SCN11A: variants seen among roughly 807,000 people sequenced by gnomAD.
SCN11A encodes sodium voltage-gated channel alpha subunit 11, also known as sodium channel protein type 11 subunit alpha.
In SCN11A, 122 loss-of-function variants were observed where a neutral mutation model predicts 162.2. The ratio of observed to expected loss-of-function variants is 0.75; its 90% CI spans 0.65 to 0.87. The LOEUF (loss-of-function observed/expected upper bound fraction) is 0.87. SCN11A is among the 40% of genes least tolerant of loss of function. The pLI, the probability that SCN11A is intolerant of heterozygous loss-of-function variation, is 0.00. For missense variants in SCN11A, 2,015 were observed against 2,181.6 expected (o/e 0.92, Z 1.52); for synonymous variants, 758 against 751.5 (o/e 1.01, Z -0.14).
At chr3:38,927,391 G>A (rs2125554690) in intron 7 of SCN11A, among the ~76,000 whole-genome samples, 1 of 152,182 alleles carries the variant, frequency 6.6e-6, no homozygotes, top group South Asian at 2.1e-4. Flanking sequence ...TACCCAGGGT[G>A]ATCTACAGAT....
chr3:38,909,749 A>G (rs1041462612), intron 12 of SCN11A, among the ~76,000 whole-genome samples: 2 of 151,496 alleles, frequency 1.3e-5, no homozygotes, highest in African/African-American at 4.9e-5. Flanking sequence ...TGCCCTGCTA[A>G]TTTTTGTATT....
At chr3:38,900,838 T>C (rs1048230896) in intron 16 of SCN11A, among the ~76,000 whole-genome samples, 1 of 152,162 alleles carries the variant, frequency 6.6e-6, no homozygotes, top group Non-Finnish European at 1.5e-5. Context: ...ATGGGCAAAA[T>C]AGTTTTGTCT....
chr3:39,049,217 A>G (rs2032259543), intron 1 of SCN11A, among the ~76,000 whole-genome samples: 1 of 152,286 alleles, frequency 6.6e-6, no homozygotes, highest in African/African-American at 2.4e-5. Flanking sequence ...GTTATCTCCC[A>G]GAAGGCACCA....
At chr3:38,993,318 A>G (rs745825153) in intron 2 of SCN11A, among the ~76,000 whole-genome samples, 5 of 152,178 alleles carry the variant, frequency 3.3e-5, no homozygotes, top group African/African-American at 4.8e-5. Flanking sequence ...GATCAGAAAA[A>G]AAAGAGCCCT....
intron 19 of SCN11A, among the ~76,000 whole-genome samples, chr3:38,888,207 C>G (rs2065434941): frequency 6.6e-6 from 1 of 152,166 alleles, no homozygotes; most frequent in African/African-American, 2.4e-5. Flanking sequence ...CGTAGGGAGA[C>G]AGGAAGAAGT....
chr3:38,988,618 C>T lies in SCN11A; in HGVS notation c.-279-28195G>A, dbSNP rs141752684. On this transcript the variant is annotated intron_variant, in intron 2 of 29. Transcript: ENST00000302328. The stretch of plus-strand genomic sequence containing the variant: ...CAGGATTCTGCCCAACAAAAGAGTT[C>T]TACCATCAGCTTGGGAATATTCCCT... 5.3e-5 allele frequency among the ~76,000 whole-genome samples: 8 copies of T among 152,334 alleles called. No individual in the cohort carries two copies. In the East Asian group the frequency reaches 1.5e-3, roughly 29 times the overall value.
chr3:38,886,482 G>T (rs1461962038), intron 19 of SCN11A, among the ~76,000 whole-genome samples: 1 of 152,036 alleles, frequency 6.6e-6, no homozygotes, highest in Non-Finnish European at 1.5e-5. Flanking sequence ...GTATGGTTCT[G>T]GTACAAAACT....
chr3:39,005,677 AT>A (rs11400441), intron 2 of SCN11A, among the ~76,000 whole-genome samples: 3 of 152,044 alleles, frequency 2.0e-5, no homozygotes, highest in Non-Finnish European at 2.9e-5. Flanking sequence ...AACTATCCAT[AT>A]TTTTTTATTT....
At chr3:38,962,776 G>A (rs1403527193) in intron 2 of SCN11A, among the ~76,000 whole-genome samples, 1 of 151,878 alleles carries the variant, frequency 6.6e-6, no homozygotes, top group Non-Finnish European at 1.5e-5. Context: ...TGAACCCAGG[G>A]AGCGGAGGTT....
intron 13 of SCN11A, among the ~76,000 whole-genome samples, 188 bp from the exon 14 acceptor site, chr3:38,908,310 G>GAA (rs945459037): frequency 6.6e-6 from 1 of 152,146 alleles, no homozygotes; most frequent in Non-Finnish European, 1.5e-5. Context: ...TTTTTGCACA[G>GAA]AAATTGCAGC....
chr3:38,847,510 G>A lies in SCN11A; in HGVS notation c.4560C>T (p.Ser1520=). 1 of 1,614,136 alleles carries A rather than the reference G, an allele frequency of 6.2e-7. No homozygotes were observed. The highest frequency in any genetic ancestry group is 1.1e-5 in the South Asian group (1 of 91,078). Residue 1520 remains serine (S), a synonymous_variant, in exon 30 of 30, where the codon TCC becomes TCT. Coordinates refer to ENST00000302328, the MANE Select transcript of SCN11A (RefSeq NM_001349253.2). ...CGATTCCAGACTCTGGATTCACTTT[G>A]GAAAACCAGTTCATACCCAGAATGG... The part of the protein sequence containing the change: ...IYAILGMNWF[S]KVNPESGIDD...
Position 38,871,584 on chromosome 3 carries a change from C to A in SCN11A, c.3620G>T (p.Cys1207Phe), listed in dbSNP as rs904970580. 3 of 1,613,010 alleles carry A rather than the reference C, an allele frequency of 1.9e-6. No individual in the cohort carries two copies. Among genetic ancestry groups the A allele is most frequent in the Non-Finnish European group, 2.5e-6 (3 of 1,179,332 alleles). The part of the protein sequence containing the change: ...VYFFSGKFGK[C>F]INGTDSVINY... Reference sequence around the variant, plus strand: ...TATAACTGAGTCTGTTCCATTAATGCATTTCCCAAATTTTCCAGAAAAGAA... The same window carrying A: ...TATAACTGAGTCTGTTCCATTAATGAATTTCCCAAATTTTCCAGAAAAGAA... Residue 1207 changes from cysteine to phenylalanine, a missense_variant, in exon 25 of 30, where the codon TGC (cysteine) becomes TTC (phenylalanine). Transcript: ENST00000302328.
chr3:38,964,859 G>A (rs1166342887), intron 2 of SCN11A, among the ~76,000 whole-genome samples: 1 of 152,204 alleles, frequency 6.6e-6, no homozygotes. Context: ...GCATGATACT[G>A]GCACCGTCTC....
chr3:39,041,262 G>A (rs550906130), intron 1 of SCN11A, among the ~76,000 whole-genome samples: 219 of 152,194 alleles, frequency 1.4e-3, no homozygotes, highest in African/African-American at 5.0e-3. Flanking sequence ...GAAATGAGAT[G>A]AAAAAGGAAT....
chr3:38,925,424 C>T lies in SCN11A; in HGVS notation c.703G>A (p.Val235Ile), dbSNP rs770885330. Residue 235 changes from valine (V) to isoleucine (I), a missense_variant, in exon 9 of 30, where the codon GTA becomes ATA. By Grantham distance (29) the Val-to-Ile change is conservative. Coordinates refer to ENST00000302328, the MANE Select transcript of SCN11A (RefSeq NM_001349253.2). ...RVFRALKAIS[V>I]VSRLKVIVGA... is the part of the protein sequence containing the mutation. ...AGTGAGAGTGACTTACGTGAAACTA[C>T]TGAAATTGCTTTCAAAGCTCTGAAC... The T allele has an allele frequency of 5.0e-6, 8 of 1,607,928 alleles. No homozygotes were observed. Among genetic ancestry groups the T allele is most frequent in the Non-Finnish European group, 6.8e-6 (8 of 1,174,468 alleles).
intron 2 of SCN11A, among the ~76,000 whole-genome samples, chr3:38,987,657 A>T (rs1342049322): frequency 6.6e-6 from 1 of 152,316 alleles, no homozygotes; most frequent in African/African-American, 2.4e-5. Context: ...CGTTCTGGAC[A>T]CTGGCACTTC....
chr3:38,956,499 G>A (rs2066683504), intron 3 of SCN11A, among the ~76,000 whole-genome samples: 1 of 152,116 alleles, frequency 6.6e-6, no homozygotes, highest in East Asian at 1.9e-4. Context: ...ATTTTGACAG[G>A]AACCTTGGTA....
chr3:38,919,515 T>C (rs1177290431), intron 11 of SCN11A, among the ~76,000 whole-genome samples: 4 of 152,146 alleles, frequency 2.6e-5, no homozygotes, highest in Admixed American at 6.6e-5. Flanking sequence ...TTCAACTGTG[T>C]TTGTAATTTG....
chr3:38,886,365 T>C (rs1024829573), intron 19 of SCN11A, 127 bp from the exon 20 acceptor site: 2 of 516,664 alleles, frequency 3.9e-6, no homozygotes, highest in African/African-American at 3.8e-5. Context: ...ATTACTCTTT[T>C]TTCTCTTTAG....
Sources: gnomAD v4.1 joint callset for allele counts (sites outside exome capture counted in the v4.1 genomes callset) on GRCh38, gnomAD v4.1.1 for gene constraint, MANE v1.5 for transcripts, NCBI Gene and HGNC (gene_info 2026-07-23, HGNC 2026-07-21) for gene names.